MTARC2: variants seen among roughly 807,000 people sequenced by gnomAD.
MTARC2 encodes mitochondrial amidoxime reducing component 2, also known as MOCO sulphurase C-terminal domain containing 2.
MTARC2 carries 27 observed loss-of-function variants against 35.6 expected under a neutral mutation model. The observed-to-expected ratio is 0.76, with a 90% CI of 0.56 to 1.04. MTARC2 has a LOEUF of 1.04. MTARC2 is among the 50% of genes least tolerant of loss of function. The pLI is 0.00. For synonymous variants in MTARC2, 158 were observed against 167.1 expected, an observed-to-expected ratio of 0.95 and a Z score of 0.42; for missense variants, 412 against 432.5, an observed-to-expected ratio of 0.95 and a Z score of 0.42.
chr1:220,756,263 G>C (rs1196910550), intron 2 of MTARC2: 1 of 152,222 alleles, frequency 6.6e-6, no homozygotes, highest in Non-Finnish European at 1.5e-5. Context: ...TAAGTGTGTG[G>C]AAGTTGGTGT....
rs547797969 is a variant in MTARC2, at chr1:220,755,384, AC to A, written c.446+266del. Among the ~76,000 whole-genome samples the A allele has an allele frequency of 7.4e-4, 113 of 152,286 alleles. 1 individual carries two copies. Among genetic ancestry groups the A allele is most frequent in the Non-Finnish European group, 1.3e-3 (90 of 68,018 alleles). On this transcript the variant is annotated intron_variant, in intron 2 of 7. Transcript: ENST00000366913. Reference sequence around the variant, plus strand: ...CTGTCCTGAAAAAAGAAGATGTTATACCAACAGATTCTCTAGAAACTGGAGG... The same window carrying A: ...CTGTCCTGAAAAAAGAAGATGTTATACAACAGATTCTCTAGAAACTGGAGG...
chr1:220,761,540 C>A (rs1263628521), intron 2 of MTARC2, 118 bp from the exon 3 acceptor site: 6 of 946,238 alleles, frequency 6.3e-6, no homozygotes, highest in Non-Finnish European at 9.2e-6. Context: ...GACCCAGGGA[C>A]CACTTAACAG....
intron 1 of MTARC2, among the ~76,000 whole-genome samples, chr1:220,752,173 C>T (rs1027481188): frequency 2.6e-5 from 4 of 152,024 alleles, no homozygotes; most frequent in Middle Eastern, 3.2e-3. Context: ...CTGTGAGCCA[C>T]GGTGAAGGGC....
chr1:220,762,933 G>T lies in MTARC2; in HGVS notation c.633G>T (p.Pro211=), dbSNP rs137931375. The change falls in exon 4 of 8, where the codon CCG becomes CCT. Residue 211 remains proline, a synonymous_variant. Coordinates refer to ENST00000366913, the MANE Select transcript of MTARC2 (RefSeq NM_017898.5). ...NFQVAYPDYC[P]LLIMTDASLV... is the part of the protein sequence containing the mutation. ...AGGTGGCCTACCCAGACTACTGCCCGCTCCTGATCATGACAGATGCCTCCC... is the reference window on the plus strand; with the variant it reads ...AGGTGGCCTACCCAGACTACTGCCCTCTCCTGATCATGACAGATGCCTCCC... 1.9e-6 allele frequency: 3 copies of T among 1,614,122 alleles called. No homozygotes were observed. Among genetic ancestry groups the T allele is most frequent in the South Asian group, 2.2e-5 (2 of 91,078 alleles).
At chr1:220,779,880 T>C in intron 4 of MTARC2, 138 bp from the exon 5 acceptor site, 1 of 606,440 alleles carries the variant, frequency 1.6e-6, no homozygotes, top group East Asian at 3.5e-5. Flanking sequence ...TTGAGTCCTC[T>C]GGGAGATATT....
chr1:220,783,764 G>A (rs1046782468), intron 7 of MTARC2, among the ~76,000 whole-genome samples, 155 bp from the exon 8 acceptor site: 7 of 152,220 alleles, frequency 4.6e-5, no homozygotes, highest in Non-Finnish European at 1.0e-4. Flanking sequence ...GGGAGCTGAT[G>A]TGAGTTAGAG....
chr1:220,773,096 T>C (rs116583391), intron 4 of MTARC2, among the ~76,000 whole-genome samples: 1,964 of 152,088 alleles, frequency 0.013, 43 homozygotes, highest in African/African-American at 0.044. Context: ...ACAGCTTTGG[T>C]ATGTGAGCTG....
chr1:220,780,045 A>G lies in MTARC2; in HGVS notation c.778A>G (p.Ser260Gly). The G allele has an allele frequency of 6.5e-7, 1 of 1,540,388 alleles. No individual in the cohort carries two copies. The highest frequency in any genetic ancestry group is 8.7e-7 in the Non-Finnish European group (1 of 1,153,826). ...EDTWDELLIG[S>G]VEVKKVMACP... Reference sequence around the variant, plus strand: ...TACCTGGGATGAACTCCTAATTGGTAGTGTAGAAGTGAAAAAGGTAATGGC... The same window carrying G: ...TACCTGGGATGAACTCCTAATTGGTGGTGTAGAAGTGAAAAAGGTAATGGC... Residue 260 changes from serine to glycine, a missense_variant, in exon 5 of 8, where the codon AGT becomes GGT. By Grantham distance (56) the Ser-to-Gly change is moderately conservative. Coordinates refer to ENST00000366913, the MANE Select transcript of MTARC2 (RefSeq NM_017898.5).
chr1:220,783,124 T>C (rs373538408), intron 7 of MTARC2, among the ~76,000 whole-genome samples: 1 of 152,204 alleles, frequency 6.6e-6, no homozygotes, highest in African/African-American at 2.4e-5. Flanking sequence ...TCATAACATA[T>C]TTCATCCGTT....
chr1:220,761,586 T>C (rs367596218), intron 2 of MTARC2, 72 bp from the exon 3 acceptor site: 2 of 1,459,478 alleles, frequency 1.4e-6, no homozygotes, highest in African/African-American at 1.4e-5. Flanking sequence ...AGTCCAGCTG[T>C]TCATTTTTGA....
chr1:220,774,071 G>GTT (rs34602928), intron 4 of MTARC2, among the ~76,000 whole-genome samples: 1,586 of 142,038 alleles, frequency 0.011, 34 homozygotes, highest in African/African-American at 0.037. Context: ...TCACATCCTC[G>GTT]TTTTTTTTTT....
Position 220,761,356 on chromosome 1 carries a change from C to T in MTARC2, c.447-302C>T, listed in dbSNP as rs1671430552. ...AATCCTTACGTTCATGGACCAGCAG[C>T]TTAGGCATACAGAAGCTTGTTGGGA... On this transcript the variant is annotated intron_variant, in intron 2 of 7. Coordinates refer to ENST00000366913, the MANE Select transcript of MTARC2 (RefSeq NM_017898.5). Among the ~76,000 whole-genome samples, 3 of 152,340 alleles carry T rather than the reference C, an allele frequency of 2.0e-5. No individual in the cohort carries two copies. In the South Asian group the frequency reaches 6.2e-4, roughly 32 times the overall value.
chr1:220,761,822 T>C lies in MTARC2; in HGVS notation c.609+2T>C, dbSNP rs1470491602. The stretch of plus-strand genomic sequence containing the variant: ...CCCACTCTTGATCAGAATTTCCAGG[T>C]GAGCTTACAGAGAGTTTACCTTCAC... On this transcript the variant is annotated splice_donor_variant, in intron 3 of 7. Coordinates refer to ENST00000366913, the MANE Select transcript of MTARC2 (RefSeq NM_017898.5). LOFTEE classifies it high-confidence loss of function. 1 of 1,604,492 alleles carries C rather than the reference T, an allele frequency of 6.2e-7. No homozygotes were observed. The highest frequency in any genetic ancestry group is 8.5e-7 in the Non-Finnish European group (1 of 1,176,398).
At chr1:220,771,480 A>ACTTATCCT (rs1671743526) in intron 4 of MTARC2, among the ~76,000 whole-genome samples, 1 of 152,156 alleles carries the variant, frequency 6.6e-6, no homozygotes, top group South Asian at 2.1e-4. Flanking sequence ...ATGTGAGGAT[A>ACTTATCCT]CTTATCCTTG....
Position 220,753,570 on chromosome 1 carries a change from C to T in MTARC2, c.273-1377C>T, listed in dbSNP as rs148688886. On this transcript the variant is annotated intron_variant, in intron 1 of 7. Transcript: ENST00000366913. The stretch of plus-strand genomic sequence containing the variant: ...GGATGTCCTCCTGAGGTCTCCTCAG[C>T]CTTTCCCTGATGGCTCTGGTCATAT... 1.9e-3 allele frequency among the ~76,000 whole-genome samples: 287 copies of T among 152,278 alleles called. 3 individuals carry two copies. Among genetic ancestry groups the T allele is most frequent in the Admixed American group, 3.3e-3 (51 of 15,302 alleles).
intron 7 of MTARC2, among the ~76,000 whole-genome samples, chr1:220,782,174 GC>G (rs1672092049): frequency 3.9e-5 from 6 of 152,132 alleles, no homozygotes; most frequent in African/African-American, 1.2e-4. Flanking sequence ...AAGAGGCTCA[GC>G]AGAAAGACAG....
At chr1:220,776,064 A>C (rs1024292590) in intron 4 of MTARC2, among the ~76,000 whole-genome samples, 1 of 152,220 alleles carries the variant, frequency 6.6e-6, no homozygotes, top group Non-Finnish European at 1.5e-5. Context: ...TGCTAGGTTG[A>C]ATGATGGTTC....
At chr1:220,770,113 ACAAAAACAAAAC>A (rs386639599) in intron 4 of MTARC2, among the ~76,000 whole-genome samples, 1 of 152,116 alleles carries the variant, frequency 6.6e-6, no homozygotes, top group African/African-American at 2.4e-5. Context: ...TCTCAAAAAA[ACAAAAACAAAAC>A]CAAAAACAAA....
At chr1:220,753,237 GA>G (rs532520758) in intron 1 of MTARC2, among the ~76,000 whole-genome samples, 4 of 145,116 alleles carry the variant, frequency 2.8e-5, no homozygotes, top group Non-Finnish European at 4.6e-5. Flanking sequence ...CAGAAAAAAA[GA>G]AAAAAAAAAG....
Sources: gnomAD v4.1 joint callset for allele counts (sites outside exome capture counted in the v4.1 genomes callset) on GRCh38, gnomAD v4.1.1 for gene constraint, MANE v1.5 for transcripts, NCBI Gene and HGNC (gene_info 2026-07-23, HGNC 2026-07-21) for gene names.